KDM4C: variants seen among roughly 807,000 people sequenced by gnomAD.
The protein encoded by KDM4C is lysine demethylase 4C, also known as lysine-specific demethylase 4C.
KDM4C carries 81 observed loss-of-function variants against 129.3 expected under a neutral mutation model. The ratio of observed to expected loss-of-function variants is 0.63; its 90% CI spans 0.52 to 0.75. The LOEUF is 0.75. Ranked by LOEUF, KDM4C falls within the 30% of genes least tolerant of loss-of-function variation. The pLI, the probability that KDM4C is intolerant of heterozygous loss-of-function variation, is 0.00. For synonymous variants in KDM4C, 573 were observed against 456.1 expected (o/e 1.26, Z -3.26); for missense variants, 1,457 against 1,304.0 (o/e 1.12, Z -1.81).
intron 17 of KDM4C, among the ~76,000 whole-genome samples, chr9:7,084,106 C>G (rs1047766440): frequency 4.6e-5 from 7 of 152,162 alleles, no homozygotes; most frequent in Non-Finnish European, 1.0e-4. Flanking sequence ...GCGTTAGTTT[C>G]TTGCTTCTAA....
chr9:6,861,740 A>G (rs776568817), intron 5 of KDM4C, among the ~76,000 whole-genome samples: 12 of 151,796 alleles, frequency 7.9e-5, no homozygotes, highest in Non-Finnish European at 1.6e-4. Context: ...TCTTGAACTC[A>G]TGCATAAAGT....
chr9:6,774,383 C>T (rs745886808), intron 1 of KDM4C, among the ~76,000 whole-genome samples: 7 of 151,620 alleles, frequency 4.6e-5, no homozygotes, highest in Non-Finnish European at 1.0e-4. Flanking sequence ...AACAGTTTTA[C>T]GCTGGGCGTG....
At chr9:6,885,712 C>A (rs1451003290) in intron 6 of KDM4C, among the ~76,000 whole-genome samples, 1 of 151,788 alleles carries the variant, frequency 6.6e-6, no homozygotes, top group Non-Finnish European at 1.5e-5. Context: ...AACCATGTAG[C>A]CCTGCAGGTA....
chr9:7,127,533 A>C (rs1840150498), intron 18 of KDM4C, among the ~76,000 whole-genome samples: 2 of 152,230 alleles, frequency 1.3e-5, no homozygotes, highest in Admixed American at 6.5e-5. Flanking sequence ...TAGCACTACC[A>C]TAAACAAAGA....
chr9:6,900,157 C>G (rs1230433449), intron 8 of KDM4C, among the ~76,000 whole-genome samples: 1 of 152,186 alleles, frequency 6.6e-6, no homozygotes, highest in African/African-American at 2.4e-5. Flanking sequence ...CTGTCCTATA[C>G]TGGCCCCCTT....
chr9:6,827,571 T>G (rs1406033287), intron 4 of KDM4C, among the ~76,000 whole-genome samples: 1 of 152,252 alleles, frequency 6.6e-6, no homozygotes, highest in Non-Finnish European at 1.5e-5. Context: ...CAAATTTATT[T>G]GAGGCTGTGG....
Position 7,103,678 on chromosome 9 carries a change from C to T in KDM4C, c.2425-7C>T. ...AATTGATGTTCTTCTCTGTTTTAAC[C>T]TTCCAGAAATGCATCTTCTGCAGAC... On this transcript the variant is annotated splice_region_variant and splice_polypyrimidine_tract_variant and intron_variant, in intron 17 of 21. Transcript: ENST00000381309. The T allele has an allele frequency of 1.9e-6, 3 of 1,608,496 alleles. No individual in the cohort carries two copies. Among genetic ancestry groups the T allele is most frequent in the Non-Finnish European group, 2.5e-6 (3 of 1,176,566 alleles).
At chr9:6,840,081 CT>C (rs1257448296) in intron 4 of KDM4C, among the ~76,000 whole-genome samples, 1 of 149,784 alleles carries the variant, frequency 6.7e-6, no homozygotes. Flanking sequence ...ATAATTTCCT[CT>C]TTTTTTTTGG....
chr9:6,872,074 T>G (rs1219034635), intron 5 of KDM4C, among the ~76,000 whole-genome samples: 1 of 151,970 alleles, frequency 6.6e-6, no homozygotes, highest in African/African-American at 2.4e-5. Context: ...AGGAGTGAGG[T>G]TGACACCTAT....
At chr9:6,924,909 T>C (rs1316943173) in intron 8 of KDM4C, 1 of 984,650 alleles carries the variant, frequency 1.0e-6, no homozygotes, top group Non-Finnish European at 1.2e-6. Context: ...TTGGTCAGAG[T>C]ACAGCCTTTA....
intron 4 of KDM4C, among the ~76,000 whole-genome samples, chr9:6,828,996 G>T (rs1181819874): frequency 1.3e-5 from 2 of 152,134 alleles, no homozygotes; most frequent in Non-Finnish European, 2.9e-5. Flanking sequence ...TAATAACCTG[G>T]TAAATTGATA....
intron 4 of KDM4C, among the ~76,000 whole-genome samples, chr9:6,838,490 C>T (rs186827095): frequency 6.6e-6 from 1 of 152,154 alleles, no homozygotes; most frequent in Admixed American, 6.5e-5. Context: ...AGTCTAGACT[C>T]AAGGTGGGAG....
intron 17 of KDM4C, among the ~76,000 whole-genome samples, chr9:7,054,362 G>A (rs375807649): frequency 7.9e-5 from 12 of 152,044 alleles, no homozygotes; most frequent in Admixed American, 2.6e-4. Context: ...TTGATTGGCC[G>A]TAGTCATAAG....
At chr9:6,803,841 TG>T (rs1408165923) in intron 2 of KDM4C, among the ~76,000 whole-genome samples, 1 of 152,102 alleles carries the variant, frequency 6.6e-6, no homozygotes, top group Admixed American at 6.6e-5. Flanking sequence ...TTAATTTATT[TG>T]TTTATGAGAT....
At chr9:6,751,909 AGAAT>A (rs1182075534) in intron 1 of KDM4C, among the ~76,000 whole-genome samples, 2 of 152,220 alleles carry the variant, frequency 1.3e-5, no homozygotes, top group African/African-American at 4.8e-5. Flanking sequence ...GGTAAACTAC[AGAAT>A]GTGAAAATAT....
At chr9:7,077,068 A>G (rs1433551918) in intron 17 of KDM4C, 3 of 985,418 alleles carry the variant, frequency 3.0e-6, no homozygotes, top group African/African-American at 3.5e-5. Context: ...TTTAGGTGAA[A>G]ACTATCACTC....
chr9:6,807,947 G>A (rs1336481639), intron 3 of KDM4C, among the ~76,000 whole-genome samples: 5 of 127,600 alleles, frequency 3.9e-5, no homozygotes, highest in African/African-American at 1.2e-4. Flanking sequence ...AGGTGGGGGG[G>A]TCAGCCCCCC....
At chr9:7,015,273 A>G (rs1823452658) in intron 14 of KDM4C, among the ~76,000 whole-genome samples, 1 of 152,152 alleles carries the variant, frequency 6.6e-6, no homozygotes, top group Non-Finnish European at 1.5e-5. Context: ...GAATTCTCTT[A>G]TCTCAAGAAG....
chr9:6,870,407 G>T (rs1842668693), intron 5 of KDM4C, among the ~76,000 whole-genome samples: 1 of 152,040 alleles, frequency 6.6e-6, no homozygotes, highest in Admixed American at 6.6e-5. Flanking sequence ...ATAGGTCTGG[G>T]GTTAGGTGCC....
Sources: gnomAD v4.1 joint callset for allele counts (sites outside exome capture counted in the v4.1 genomes callset) on GRCh38, gnomAD v4.1.1 for gene constraint, MANE v1.5 for transcripts, NCBI Gene and HGNC (gene_info 2026-07-23, HGNC 2026-07-21) for gene names.